Variants in CCDC83 observed in about 807,000 individuals in gnomAD.
CCDC83 encodes the protein coiled-coil domain containing 83.
A neutral mutation model predicts 50.1 loss-of-function variants in CCDC83; 54 were observed. That is an observed-to-expected ratio of 1.08 (90% CI 0.87 to 1.35). The LOEUF (loss-of-function observed/expected upper bound fraction) is 1.35. Ranked by LOEUF, CCDC83 falls within the 40% of genes most tolerant of loss-of-function variation. CCDC83 has a pLI of 0.00. For missense variants in CCDC83, 518 were observed against 473.9 expected (o/e 1.09, Z -0.86); for synonymous variants, 161 against 153.3 (o/e 1.05, Z -0.37).
At chr11:85,883,576 G>A (rs1384883844) in intron 4 of CCDC83, among the ~76,000 whole-genome samples, 1 of 152,108 alleles carries the variant, frequency 6.6e-6, no homozygotes, top group East Asian at 1.9e-4. Flanking sequence ...AAATCATGCA[G>A]TTCTGACATA....
intron 3 of CCDC83, among the ~76,000 whole-genome samples, chr11:85,874,890 C>A (rs922418197): frequency 6.6e-6 from 1 of 152,168 alleles, no homozygotes; most frequent in Admixed American, 6.5e-5. Flanking sequence ...AAATCTGACC[C>A]CTGTTCACCT....
At chr11:85,865,997 A>AT (rs776681107) in intron 2 of CCDC83, among the ~76,000 whole-genome samples, 37 of 152,236 alleles carry the variant, frequency 2.4e-4, no homozygotes, top group Admixed American at 1.6e-3. Flanking sequence ...AAATGGCTAC[A>AT]TATCAAATCC....
chr11:85,917,182 A>AAG lies in CCDC83; in HGVS notation c.1080+951_1080+952dup, dbSNP rs1372082864. ...AGAGAGAGAGAGAAAGAAAGAAAGAAAGAAAGAAAGAGAAAGAAAGAAAGA... is the reference window on the plus strand; with the variant it reads ...AGAGAGAGAGAGAAAGAAAGAAAGAAAGAGAAAGAAAGAGAAAGAAAGAAAGA... On this transcript the variant is annotated intron_variant, in intron 10 of 10. Coordinates refer to ENST00000342404, the MANE Select transcript of CCDC83 (RefSeq NM_001286159.2). Among the ~76,000 whole-genome samples the AAG allele has an allele frequency of 1.4e-4, 16 of 113,538 alleles. 1 individual carries two copies. Among genetic ancestry groups the AAG allele is most frequent in the Admixed American group, 4.2e-4 (5 of 11,838 alleles). 74.5% of individuals were successfully genotyped at this position (113,538 alleles called of 152,430 possible).
rs12362209 is a variant in CCDC83, at chr11:85,873,260, A to G, written c.145A>G (p.Thr49Ala). ...AVEQFMFQIKTLRKKNQKYHE... is the reference protein window; with the variant it reads ...AVEQFMFQIKALRKKNQKYHE... ...GGAGCAATTCATGTTTCAAATAAAG[A>G]CACTTAGGAAAAAGAACCAAAAATA... Residue 49 changes from threonine (T) to alanine (A), a missense_variant, in exon 3 of 11, where the codon ACA (threonine) becomes GCA (alanine). Thr to Ala is a moderately conservative substitution (Grantham distance 58, BLOSUM62 0). Coordinates refer to ENST00000342404, the MANE Select transcript of CCDC83 (RefSeq NM_001286159.2). 75,707 of 1,555,392 alleles carry G rather than the reference A, an allele frequency of 0.049. 2,448 individuals are homozygous for G. Among genetic ancestry groups the G allele is most frequent in the Admixed American group, 0.09 (4,746 of 52,784 alleles).
intron 6 of CCDC83, among the ~76,000 whole-genome samples, chr11:85,896,338 C>G (rs2093375112): frequency 7.6e-6 from 1 of 132,384 alleles, no homozygotes; most frequent in Non-Finnish European, 1.5e-5. Flanking sequence ...GAGATCGAGG[C>G]TGTAGTGAGC....
chr11:85,894,977 T>C (rs1254082639), intron 5 of CCDC83, among the ~76,000 whole-genome samples: 1 of 152,210 alleles, frequency 6.6e-6, no homozygotes, highest in Non-Finnish European at 1.5e-5. Flanking sequence ...CTGTGCTTCA[T>C]TTCTGTCTGT....
chr11:85,893,577 G>C (rs1013581642), intron 5 of CCDC83, among the ~76,000 whole-genome samples: 1 of 152,202 alleles, frequency 6.6e-6, no homozygotes, highest in Non-Finnish European at 1.5e-5. Flanking sequence ...GTTAAGAACC[G>C]GGCCACACAG....
chr11:85,896,026 CG>C (rs1237454125), intron 6 of CCDC83, among the ~76,000 whole-genome samples: 1 of 152,036 alleles, frequency 6.6e-6, no homozygotes, highest in Non-Finnish European at 1.5e-5. Flanking sequence ...AAGAAATATA[CG>C]TTGAGTATCC....
At chr11:85,874,930 G>A (rs2093260450) in intron 3 of CCDC83, among the ~76,000 whole-genome samples, 1 of 152,196 alleles carries the variant, frequency 6.6e-6, no homozygotes, top group Non-Finnish European at 1.5e-5. Flanking sequence ...TGCTGATGGA[G>A]GATTTTTTGC....
intron 3 of CCDC83, among the ~76,000 whole-genome samples, chr11:85,877,181 T>C (rs185982288): frequency 2.9e-3 from 440 of 152,288 alleles, no homozygotes; most frequent in Admixed American, 5.8e-3. Flanking sequence ...TTAATAATGC[T>C]TATGCAGGCC....
At chr11:85,870,800 T>C (rs1401916628) in intron 2 of CCDC83, among the ~76,000 whole-genome samples, 2 of 152,172 alleles carry the variant, frequency 1.3e-5, no homozygotes, top group African/African-American at 4.8e-5. Flanking sequence ...TTTCAATATG[T>C]TTATGTGTTT....
intron 3 of CCDC83, among the ~76,000 whole-genome samples, 195 bp downstream of exon 3, chr11:85,873,490 T>C (rs776343663): frequency 6.6e-6 from 1 of 152,224 alleles, no homozygotes; most frequent in Non-Finnish European, 1.5e-5. Context: ...ATATTAGTTA[T>C]AATGTCAGTG....
rs897169680 is a variant in CCDC83 at position 85,911,204 on chromosome 11, GAAA to G, written c.673-72_673-70del. ...AAAAAAAAAAAAAAGAAAGAAAAAA[GAAA>G]AAAATAAAGAAAAGAAAACTTAATA... On this transcript the variant is annotated intron_variant, in intron 7 of 10. Transcript: ENST00000342404. 3.9e-6 allele frequency: 4 copies of G among 1,015,606 alleles called. No homozygotes were observed. The African/African-American group carries it at 6.8e-5, about 17-fold the overall frequency. The allele number at this position is 1,015,606 out of a possible 1,614,324, so 62.9% of individuals were successfully genotyped here.
intron 8 of CCDC83, among the ~76,000 whole-genome samples, chr11:85,913,358 G>T (rs2093463632): frequency 6.6e-6 from 1 of 152,142 alleles, no homozygotes; most frequent in African/African-American, 2.4e-5. Context: ...GGACACTTTA[G>T]AAAGACCTGC....
intron 6 of CCDC83, among the ~76,000 whole-genome samples, chr11:85,895,746 A>G (rs953795755): frequency 3.9e-5 from 6 of 152,204 alleles, no homozygotes; most frequent in Non-Finnish European, 1.5e-5. Flanking sequence ...TACCTTAAAG[A>G]AATAGTGTGA....
chr11:85,895,236 A>C lies in CCDC83; in HGVS notation c.512-57A>C. ...GACTGCCACACATAGTTTTACCTAGAATCATGCTTGATAAGGCTTTTAATT... is the reference window on the plus strand; with the variant it reads ...GACTGCCACACATAGTTTTACCTAGCATCATGCTTGATAAGGCTTTTAATT... On this transcript the variant is annotated intron_variant, in intron 5 of 10. Transcript: ENST00000342404. 2.9e-6 allele frequency: 2 copies of C among 684,648 alleles called. 1 individual carries two copies. Among genetic ancestry groups the C allele is most frequent in the Non-Finnish European group, 4.3e-6 (2 of 463,610 alleles). The allele number at this position is 684,648 out of a possible 1,614,324, so 42.4% of individuals were successfully genotyped here.
At chr11:85,876,402 G>T (rs1240393174) in intron 3 of CCDC83, among the ~76,000 whole-genome samples, 1 of 152,118 alleles carries the variant, frequency 6.6e-6, no homozygotes, top group African/African-American at 2.4e-5. Flanking sequence ...TCACTTTCCT[G>T]GATTTGATAA....
chr11:85,866,087 G>A (rs1367598261), intron 2 of CCDC83, among the ~76,000 whole-genome samples: 1 of 152,060 alleles, frequency 6.6e-6, no homozygotes, highest in Non-Finnish European at 1.5e-5. Context: ...ACAAAACCAT[G>A]GGTAACATTT....
chr11:85,863,913 A>G (rs1323819767), intron 1 of CCDC83, among the ~76,000 whole-genome samples: 2 of 152,240 alleles, frequency 1.3e-5, no homozygotes, highest in African/African-American at 4.8e-5. Flanking sequence ...CCCTTTTTCT[A>G]TATCTCAGAC....
Sources: allele counts gnomAD v4.1 joint callset (sites outside exome capture counted in the v4.1 genomes callset), GRCh38; gene constraint gnomAD v4.1.1; transcripts MANE v1.5; gene names NCBI Gene and HGNC (gene_info 2026-07-23, HGNC 2026-07-21).